Variants in TLN2 observed in about 807,000 individuals in gnomAD.
The protein encoded by TLN2 is talin 2.
A neutral mutation model predicts 294.7 loss-of-function variants in TLN2; 118 were observed. That is an observed-to-expected ratio of 0.40 (90% confidence interval 0.34 to 0.47). TLN2 has a LOEUF of 0.47. Among genes scored for constraint, TLN2 ranks in the 20% least tolerant of loss-of-function variants. The probability of loss-of-function intolerance (pLI) is 0.84; values close to 1 mark genes in which losing one functional copy is unlikely to be tolerated. For missense variants in TLN2, 3,083 were observed against 3,282.2 expected (o/e 0.94, Z 1.48); for synonymous variants, 1,431 against 1,304.5 (o/e 1.10, Z -2.09).
chr15:62,810,030 G>C lies in TLN2; in HGVS notation c.6769G>C (p.Val2257Leu). The change falls in exon 52 of 59, where the codon GTG becomes CTG. Residue 2257 changes from valine to leucine, a missense_variant and splice_region_variant. Val to Leu is a conservative substitution (Grantham distance 32). Transcript: ENST00000636159. ...GYLDLLEHVL[V>L]ILQKPTPEFK... ...CTTGGACCTCCTGGAGCACGTCTTG[G>C]TGGTAAGAAAGCGCATGAGTCAGGG... is the stretch of plus-strand genomic sequence containing the variant. 1 of 1,613,940 alleles carries C rather than the reference G, an allele frequency of 6.2e-7. No individual in the cohort carries two copies. Among genetic ancestry groups the C allele is most frequent in the Middle Eastern group, 1.6e-4 (1 of 6,062 alleles).
chr15:62,737,030 G>A lies in TLN2; in HGVS notation c.3511G>A (p.Ala1171Thr). Reference protein sequence around the residue: ...MEGSAMLIQEAKQALIAPGDA... With the variant: ...MEGSAMLIQETKQALIAPGDA... ...GGGCTCCGCCATGCTCATTCAAGAG[G>A]CCAAGCAGGCCCTGATTGCACCTGG... The change falls in exon 29 of 59, where the codon GCC becomes ACC. Residue 1171 changes from alanine (A) to threonine (T), a missense_variant. Transcript: ENST00000636159. 6 of 1,614,212 alleles carry A rather than the reference G, an allele frequency of 3.7e-6. No individual in the cohort carries two copies. Among genetic ancestry groups the A allele is most frequent in the Non-Finnish European group, 5.1e-6 (6 of 1,180,052 alleles).
At chr15:62,476,038 G>A (rs1228887149) in intron 1 of TLN2, among the ~76,000 whole-genome samples, 1 of 152,182 alleles carries the variant, frequency 6.6e-6, no homozygotes, top group African/African-American at 2.4e-5. Flanking sequence ...TTAGGCCTGA[G>A]TATTTCCAAG....
intron 1 of TLN2, among the ~76,000 whole-genome samples, chr15:62,507,232 G>A (rs1454043714): frequency 1.3e-5 from 2 of 152,196 alleles, no homozygotes; most frequent in East Asian, 1.9e-4. Context: ...TGAAATGTCT[G>A]TTTTTAATGA....
At chr15:62,544,077 A>T (rs1228817231) in intron 1 of TLN2, among the ~76,000 whole-genome samples, 11 of 152,194 alleles carry the variant, frequency 7.2e-5, no homozygotes, top group Admixed American at 5.9e-4. Context: ...CTGTAAGATA[A>T]GTTAGCTATC....
At chr15:62,585,197 C>G (rs1427434546) in intron 1 of TLN2, among the ~76,000 whole-genome samples, 1 of 152,184 alleles carries the variant, frequency 6.6e-6, no homozygotes, top group Non-Finnish European at 1.5e-5. Context: ...GGGGATTACG[C>G]CAAGTAAAAC....
At chr15:62,440,828 A>G (rs554784563) in intron 1 of TLN2, among the ~76,000 whole-genome samples, 3 of 152,180 alleles carry the variant, frequency 2.0e-5, no homozygotes, top group Admixed American at 6.5e-5. Context: ...ACCATTTTTT[A>G]TATCCTCCCT....
chr15:62,719,737 A>G (rs368541576), intron 24 of TLN2, 30 bp from the exon 25 acceptor site: 21 of 1,539,342 alleles, frequency 1.4e-5, no homozygotes, highest in African/African-American at 9.6e-5. Context: ...CATTCTAGCC[A>G]TGCTGTTTTT....
intron 2 of TLN2, among the ~76,000 whole-genome samples, chr15:62,615,199 A>G (rs1314851233): frequency 1.3e-5 from 2 of 152,216 alleles, no homozygotes; most frequent in Non-Finnish European, 2.9e-5. Context: ...AAATTCTCTC[A>G]ATCTATTGAC....
chr15:62,408,564 G>A (rs1304023613), intron 1 of TLN2, among the ~76,000 whole-genome samples: 11 of 152,332 alleles, frequency 7.2e-5, no homozygotes, highest in Middle Eastern at 3.4e-3. Context: ...CCACTAGCCT[G>A]TAGATTCTAA....
At chr15:62,435,836 C>G (rs1254423095) in intron 1 of TLN2, among the ~76,000 whole-genome samples, 1 of 152,210 alleles carries the variant, frequency 6.6e-6, no homozygotes, top group African/African-American at 2.4e-5. Context: ...GCCACCATGC[C>G]AGGCCTTGCT....
Position 62,702,214 on chromosome 15 carries a change from G to A in TLN2, c.1905+14G>A. On this transcript the variant is annotated intron_variant, in intron 18 of 58. Transcript: ENST00000636159. ...ACTTCTGGAGAGGTAAGCTCCAGAG[G>A]CAAGCAATCACTCAGGTTCTGATGG... 3.2e-6 allele frequency: 5 copies of A among 1,570,358 alleles called. No individual in the cohort carries two copies. The highest frequency in any genetic ancestry group is 2.3e-5 in the East Asian group (1 of 43,020).
chr15:62,675,132 C>A, intron 10 of TLN2, 85 bp from the exon 11 acceptor site: 1 of 1,264,012 alleles, frequency 7.9e-7, no homozygotes, highest in Non-Finnish European at 1.1e-6. Context: ...CCATTTATCT[C>A]CACCACATAC....
At chr15:62,598,110 A>G (rs1243587851) in intron 2 of TLN2, among the ~76,000 whole-genome samples, 1 of 152,210 alleles carries the variant, frequency 6.6e-6, no homozygotes, top group African/African-American at 2.4e-5. Flanking sequence ...TTAGGCACCT[A>G]CATCCTTGAA....
intron 1 of TLN2, among the ~76,000 whole-genome samples, chr15:62,503,122 A>G (rs2039397675): frequency 6.6e-6 from 1 of 152,206 alleles, no homozygotes; most frequent in Admixed American, 6.5e-5. Flanking sequence ...CAGCGTCAAC[A>G]AGTTCCCTTT....
intron 54 of TLN2, among the ~76,000 whole-genome samples, chr15:62,827,124 C>A (rs979778538): frequency 2.6e-5 from 4 of 152,170 alleles, no homozygotes; most frequent in African/African-American, 9.7e-5. Flanking sequence ...CTATGCATGC[C>A]TTATGCTCCT....
Position 62,790,830 on chromosome 15 carries a change from G to A in TLN2, c.5737-1811G>A, listed in dbSNP as rs375747425. On this transcript the variant is annotated intron_variant, in intron 45 of 58. Coordinates refer to ENST00000636159, the MANE Select transcript of TLN2 (RefSeq NM_015059.3). ...AAATGACATGACATCTGTGTGGGCT[G>A]GAGTGTTTTTCCCGCCTCAGCGGCA... Among the ~76,000 whole-genome samples, 11 of 152,356 alleles carry A rather than the reference G, an allele frequency of 7.2e-5. No homozygotes were observed. In the East Asian group the frequency reaches 1.9e-3, roughly 27 times the overall value.
intron 1 of TLN2, among the ~76,000 whole-genome samples, chr15:62,484,507 C>G (rs1595908627): frequency 6.6e-6 from 1 of 151,998 alleles, no homozygotes; most frequent in African/African-American, 2.4e-5. Context: ...CTCACTGCAA[C>G]CTCCACCTCC....
At chr15:62,472,851 G>A (rs768220004) in intron 1 of TLN2, among the ~76,000 whole-genome samples, 1 of 152,234 alleles carries the variant, frequency 6.6e-6, no homozygotes, top group Non-Finnish European at 1.5e-5. Flanking sequence ...CTGACTGTGA[G>A]TGAGGTGCTT....
At chr15:62,818,354 AAG>A (rs1345801536) in intron 52 of TLN2, among the ~76,000 whole-genome samples, 1 of 152,178 alleles carries the variant, frequency 6.6e-6, no homozygotes, top group Non-Finnish European at 1.5e-5. Flanking sequence ...AAACGTGAGA[AAG>A]AGATAACAGA....
Sources: allele counts gnomAD v4.1 joint callset (sites outside exome capture counted in the v4.1 genomes callset), GRCh38; gene constraint gnomAD v4.1.1; transcripts MANE v1.5; gene names NCBI Gene and HGNC (gene_info 2026-07-23, HGNC 2026-07-21).